The following LZTS3 variants were observed in gnomAD, a reference collection of about 807,000 sequenced individuals.
LZTS3 encodes the protein leucine zipper putative tumor suppressor 3.
LZTS3 carries 16 observed loss-of-function variants against 50.9 expected under a neutral mutation model. The observed-to-expected ratio is 0.31, with a 90% CI of 0.21 to 0.48. The LOEUF (loss-of-function observed/expected upper bound fraction) is 0.48. LZTS3 is among the 20% of genes least tolerant of loss of function. The probability of loss-of-function intolerance (pLI) is 0.99; values close to 1 mark genes in which losing one functional copy is unlikely to be tolerated. For missense variants in LZTS3, 816 were observed against 931.0 expected, an observed-to-expected ratio of 0.88 and a Z score of 1.61; for synonymous variants, 408 against 410.6, an observed-to-expected ratio of 0.99 and a Z score of 0.08.
rs2066833112 is a variant in LZTS3 at position 3,166,868 on chromosome 20, A to G, written c.296T>C (p.Leu99Pro). ...GTCACTGCCCCGCAGCTCACCATTGAGGTAGAGGGAGTTGGCGAGACCCTT... is the reference window on the plus strand; with the variant it reads ...GTCACTGCCCCGCAGCTCACCATTGGGGTAGAGGGAGTTGGCGAGACCCTT... ...EDKGLANSLY[L>P]NGELRGSDHT... The change falls in exon 3 of 5, where the codon CTC (leucine) becomes CCC (proline). Residue 99 changes from leucine (L) to proline (P), a missense_variant. Physicochemically the swap from Leu to Pro is moderately conservative, Grantham distance 98. This residue lies in a region of LZTS3 where 700 missense variants were observed against 769.4 expected (regional missense o/e 0.91). Coordinates refer to ENST00000337576, the MANE Select transcript of LZTS3 (RefSeq NM_001365618.1). The G allele has an allele frequency of 2.5e-6, 4 of 1,613,676 alleles. No homozygotes were observed. The East Asian group carries it at 6.7e-5, about 27-fold the overall frequency.
chr20:3,167,884 G>A lies in LZTS3; in HGVS notation c.-165C>T, dbSNP rs998266463. 2.0e-6 allele frequency: 2 copies of A among 984,882 alleles called. No homozygotes were observed. Among genetic ancestry groups the A allele is most frequent in the African/African-American group, 1.7e-5 (1 of 57,216 alleles). 61.0% of individuals were successfully genotyped at this position (984,882 alleles called of 1,614,324 possible). A position where few individuals can be genotyped will look rare whatever the true frequency, so the allele number is the denominator to read the frequency against. On this transcript the variant is annotated 5_prime_UTR_variant, in exon 2 of 5. Coordinates refer to ENST00000337576, the MANE Select transcript of LZTS3 (RefSeq NM_001365618.1). ...TGCAGGGGCCATGTGCCTCACTCTC[G>A]CAGTCGGGGCTCGGCCCGAACCAGC...
Position 3,165,086 on chromosome 20 carries a change from A to G in LZTS3, c.1390T>C (p.Ser464Pro). 1.3e-6 allele frequency: 2 copies of G among 1,592,840 alleles called. No individual in the cohort carries two copies. Among genetic ancestry groups the G allele is most frequent in the Non-Finnish European group, 1.7e-6 (2 of 1,171,006 alleles). Residue 464 changes from serine (S) to proline (P), a missense_variant, in exon 5 of 5, where the codon TCG (serine) becomes CCG (proline). By Grantham distance (74) the Ser-to-Pro change is moderately conservative. Around this residue, in one of 3 missense-constraint regions of LZTS3, gnomAD observed 700 missense variants for 769.4 expected, o/e 0.91. Coordinates refer to ENST00000337576, the MANE Select transcript of LZTS3 (RefSeq NM_001365618.1). The surrounding 1 kb of genome is among the most constrained non-coding windows in gnomAD (Gnocchi z 5.0). ...CCCACGATCTCACTCAACTTCTGCG[A>G]CACATCCGCCTGCGAGTCCTTCAGC... ...QQLKDSQADV[S>P]QKLSEIVGLR...
chr20:3,166,638 C>A, intron 3 of LZTS3, 67 bp downstream of exon 3: 1 of 1,562,560 alleles, frequency 6.4e-7, no homozygotes, highest in Non-Finnish European at 8.7e-7. Flanking sequence ...CCCACTTTGC[C>A]TTCCTCTCTG....
At chr20:3,172,567 C>T (rs1457603856) in intron 1 of LZTS3, among the ~76,000 whole-genome samples, 3 of 152,162 alleles carry the variant, frequency 2.0e-5, no homozygotes, top group Admixed American at 1.3e-4. Context: ...TGATCTCCAC[C>T]CCCCAGAGGG....
rs2066772230 is a variant in LZTS3 at position 3,164,296 on chromosome 20, G to C, written c.*158C>G. On this transcript the variant is annotated 3_prime_UTR_variant, in exon 5 of 5. Coordinates refer to ENST00000337576, the MANE Select transcript of LZTS3 (RefSeq NM_001365618.1). ...CACGGGGGCAGTGCTGGAGCTAGGA[G>C]GGCAGGTGGGGAGGGAGGAACCTGG... 1.4e-6 allele frequency: 1 copy of C among 707,116 alleles called. No homozygotes were observed. Among genetic ancestry groups the C allele is most frequent in the African/African-American group, 1.9e-5 (1 of 53,378 alleles). 43.8% of individuals were successfully genotyped at this position (707,116 alleles called of 1,614,324 possible). A position where few individuals can be genotyped will look rare whatever the true frequency, so the allele number is the denominator to read the frequency against.
At position 3,165,051 on chromosome 20, in the gene LZTS3, C is replaced by T. The variant is rs567234511; in HGVS notation, c.1425G>A (p.Ser475=). ...GCGAAGCCCGGCCCTCCCGCAGCTG[C>T]GAGCGCAGTCCCACGATCTCACTCA... is the stretch of plus-strand genomic sequence containing the variant. The part of the protein sequence containing the change: ...QKLSEIVGLR[S]QLREGRASLR... The change falls in exon 5 of 5, where the codon TCG becomes TCA. Residue 475 remains serine (S), a synonymous_variant. Transcript: ENST00000337576. This position sits in a 1 kb window ranked among gnomAD's most constrained non-coding sequence, Gnocchi z 5.0. The T allele has an allele frequency of 5.7e-6, 9 of 1,578,040 alleles. No homozygotes were observed. The East Asian group carries it at 1.6e-4, about 28-fold the overall frequency.
Position 3,165,091 on chromosome 20 carries a change from T to C in LZTS3, c.1385A>G (p.Asp462Gly). 1 of 1,592,750 alleles carries C rather than the reference T, an allele frequency of 6.3e-7. No individual in the cohort carries two copies. Among genetic ancestry groups the C allele is most frequent in the Non-Finnish European group, 8.5e-7 (1 of 1,170,960 alleles). ...LKQQLKDSQA[D>G]VSQKLSEIVG... is the part of the protein sequence containing the mutation. ...GATCTCACTCAACTTCTGCGACACA[T>C]CCGCCTGCGAGTCCTTCAGCTGCTG... The change falls in exon 5 of 5, where the codon GAT (aspartate) becomes GGT (glycine). Residue 462 changes from aspartate (D) to glycine (G), a missense_variant. Physicochemically the swap from Asp to Gly is moderately conservative, Grantham distance 94 (BLOSUM62 -1). This residue lies in a region of LZTS3 where 700 missense variants were observed against 769.4 expected (regional missense o/e 0.91). Coordinates refer to ENST00000337576, the MANE Select transcript of LZTS3 (RefSeq NM_001365618.1). This position sits in a 1 kb window ranked among gnomAD's most constrained non-coding sequence, Gnocchi z 5.0.
chr20:3,173,127 A>C (rs114715858), intron 1 of LZTS3, among the ~76,000 whole-genome samples: 2,879 of 152,230 alleles, frequency 0.019, 92 homozygotes, highest in African/African-American at 0.065. Context: ...GCCACAGGCC[A>C]CAGGACCTGG....
In LZTS3 at chr20:3,164,203, C is replaced by T. The variant is rs1398154401; in HGVS notation, c.*251G>A. On this transcript the variant is annotated 3_prime_UTR_variant, in exon 5 of 5. Coordinates refer to ENST00000337576, the MANE Select transcript of LZTS3 (RefSeq NM_001365618.1). ...AAAGGGAGCATGACTCCCCCACCAC[C>T]TAGGATTGCCCCCACTCACCCTGCC... is the stretch of plus-strand genomic sequence containing the variant. The T allele has an allele frequency of 1.6e-5, 7 of 428,868 alleles. No homozygotes were observed. In the East Asian group the frequency reaches 2.6e-4, roughly 16 times the overall value. 26.6% of individuals were successfully genotyped at this position (428,868 alleles called of 1,614,324 possible). A position where few individuals can be genotyped will look rare whatever the true frequency, so the allele number is the denominator to read the frequency against.
At position 3,166,991 on chromosome 20, in the gene LZTS3, C is replaced by T. The variant is rs761756815; in HGVS notation, c.173G>A (p.Arg58His). The change falls in exon 3 of 5, where the codon CGC becomes CAC. Residue 58 changes from arginine to histidine, a missense_variant. By Grantham distance (29) the Arg-to-His change is conservative. Transcript: ENST00000337576. ...QEFAMKSVGT[R>H]TGGGGSQGSF... ...GCCCTGGCTGCCCCCACCCCCTGTG[C>T]GGGTACCCACGCTCTTCATGGCAAA... The T allele has an allele frequency of 6.8e-5, 108 of 1,596,004 alleles. No individual in the cohort carries two copies. The Admixed American group carries it at 1.2e-3, about 17-fold the overall frequency.
In LZTS3 at chr20:3,167,774, T is replaced by C; in HGVS notation, c.-55A>G. ...AGTCAGGGCAGAAGTGGAAGCTCAC[T>C]ACCAGCGCAGGCTTCTCTCCTTGCC... is the stretch of plus-strand genomic sequence containing the variant. On this transcript the variant is annotated 5_prime_UTR_variant, in exon 2 of 5. Coordinates refer to ENST00000337576, the MANE Select transcript of LZTS3 (RefSeq NM_001365618.1). The C allele has an allele frequency of 3.0e-6, 3 of 985,518 alleles. No individual in the cohort carries two copies. The South Asian group carries it at 1.4e-4, about 46-fold the overall frequency. 61.0% of individuals were successfully genotyped at this position (985,518 alleles called of 1,614,324 possible).
rs2066853712 is a variant in LZTS3 at position 3,167,896 on chromosome 20, C to T, written c.-177G>A. ...GTGCCTCACTCTCGCAGTCGGGGCTCGGCCCGAACCAGCTGCGCGACTTTG... is the reference window on the plus strand; with the variant it reads ...GTGCCTCACTCTCGCAGTCGGGGCTTGGCCCGAACCAGCTGCGCGACTTTG... On this transcript the variant is annotated 5_prime_UTR_variant, in exon 2 of 5. Transcript: ENST00000337576. 2 of 981,280 alleles carry T rather than the reference C, an allele frequency of 2.0e-6. No homozygotes were observed. Among genetic ancestry groups the T allele is most frequent in the South Asian group, 4.7e-5 (1 of 21,250 alleles). 60.8% of individuals were successfully genotyped at this position (981,280 alleles called of 1,614,324 possible).
At chr20:3,168,621 T>G (rs2066865031) in intron 1 of LZTS3, 1 of 152,224 alleles carries the variant, frequency 6.6e-6, no homozygotes, top group African/African-American at 2.4e-5. Context: ...CTCGTTCCTT[T>G]GTCTCAAGTT....
In LZTS3 at chr20:3,165,431, C is replaced by T. The variant is rs572107404; in HGVS notation, c.1323+66G>A. The T allele has an allele frequency of 2.3e-6, 3 of 1,303,358 alleles. No homozygotes were observed. The East Asian group carries it at 1.2e-4, about 52-fold the overall frequency. The allele number at this position is 1,303,358 out of a possible 1,614,324, so 80.7% of individuals were successfully genotyped here. ...CCACCGTTATGATAGTGAGGGGCAA[C>T]TGCTCTGGGGTTTCCCAGAGGGACA... On this transcript the variant is annotated intron_variant, in intron 4 of 4. Transcript: ENST00000337576. The surrounding 1 kb of genome is among the most constrained non-coding windows in gnomAD (Gnocchi z 5.0).
Position 3,166,137 on chromosome 20 carries a change from G to C in LZTS3, c.683C>G (p.Pro228Arg). Residue 228 changes from proline (P) to arginine (R), a missense_variant, in exon 4 of 5, where the codon CCC (proline) becomes CGC (arginine). By Grantham distance (103) the Pro-to-Arg change is moderately radical (BLOSUM62 -2). This residue lies in a region of LZTS3 where 700 missense variants were observed against 769.4 expected (regional missense o/e 0.91). Transcript: ENST00000337576. Reference protein sequence around the residue: ...DSGRNSLTSLPTYSSSYSQHL... With the variant: ...DSGRNSLTSLRTYSSSYSQHL... ...CTGGCTGTAGCTGGAGCTGTAGGTG[G>C]GCAGGCTTGTGAGGGAGTTCCGGCC... 6.2e-7 allele frequency: 1 copy of C among 1,613,448 alleles called. No homozygotes were observed. The highest frequency in any genetic ancestry group is 8.5e-7 in the Non-Finnish European group (1 of 1,179,672).
At chr20:3,170,644 T>A (rs2066893131) in intron 1 of LZTS3, among the ~76,000 whole-genome samples, 1 of 151,456 alleles carries the variant, frequency 6.6e-6, no homozygotes, top group Admixed American at 6.6e-5. Context: ...TACAAAAAAA[T>A]TAGCTGGGTG....
At chr20:3,170,986 G>T (rs144207359) in intron 1 of LZTS3, among the ~76,000 whole-genome samples, 1,598 of 152,246 alleles carry the variant, frequency 0.01, 17 homozygotes, top group Non-Finnish European at 0.016. Context: ...ATATGCTGAG[G>T]GAAGTTGCCA....
chr20:3,164,095 A>G lies in LZTS3; in HGVS notation c.*359T>C. 1 of 211,840 alleles carries G rather than the reference A, an allele frequency of 4.7e-6. No individual in the cohort carries two copies. Among genetic ancestry groups the G allele is most frequent in the Non-Finnish European group, 9.2e-6 (1 of 108,368 alleles). The allele number at this position is 211,840 out of a possible 1,614,324, so 13.1% of individuals were successfully genotyped here. On this transcript the variant is annotated 3_prime_UTR_variant, in exon 5 of 5. Transcript: ENST00000337576. ...CACTAGACACAGGGTGGCCAACAGT[A>G]GCAGCCCAGGCCTCCAGAAGGACTG... is the stretch of plus-strand genomic sequence containing the variant.
chr20:3,165,023 G>T lies in LZTS3; in HGVS notation c.1453C>A (p.Arg485=). ...CTGAGCAGCTGCTCCTCCTTCTCCC[G>T]CAGCGAAGCCCGGCCCTCCCGCAGC... ...SQLREGRASL[R]EKEEQLLSLR... Residue 485 remains arginine, a synonymous_variant, in exon 5 of 5, where the codon CGG becomes AGG. Coordinates refer to ENST00000337576, the MANE Select transcript of LZTS3 (RefSeq NM_001365618.1). This position sits in a 1 kb window ranked among gnomAD's most constrained non-coding sequence, Gnocchi z 5.0. The T allele has an allele frequency of 6.4e-7, 1 of 1,561,248 alleles. No homozygotes were observed. The highest frequency in any genetic ancestry group is 8.7e-7 in the Non-Finnish European group (1 of 1,154,602).
Sources: allele counts gnomAD v4.1 joint callset (sites outside exome capture counted in the v4.1 genomes callset), GRCh38; gene constraint gnomAD v4.1.1; regional missense constraint gnomAD v4.1.1; non-coding constraint Gnocchi (gnomAD v3.1); transcripts MANE v1.5; gene names NCBI Gene and HGNC (gene_info 2026-07-23, HGNC 2026-07-21).